The following ATG4D variants were observed in gnomAD, a reference collection of about 807,000 sequenced individuals.
ATG4D encodes the protein autophagy related 4D cysteine peptidase, also known as cysteine protease ATG4D.
In ATG4D, 51 loss-of-function variants were observed where a neutral mutation model predicts 55.2. That is an observed-to-expected ratio of 0.92 (90% CI 0.74 to 1.17). The LOEUF is 1.17. Among genes scored for constraint, ATG4D ranks in the 50% most tolerant of loss-of-function variants. The probability of loss-of-function intolerance (pLI) is 0.00; values close to 1 mark genes in which losing one functional copy is unlikely to be tolerated. For synonymous variants in ATG4D, 268 were observed against 266.2 expected (o/e 1.01, Z -0.07); for missense variants, 635 against 649.6 (o/e 0.98, Z 0.25).
At position 10,548,003 on chromosome 19, in the gene ATG4D, A is replaced by ATTTTTTTTTTTT. The variant is rs60924749; in HGVS notation, c.835+784_835+795dup. Among the ~76,000 whole-genome samples, 11 of 34,998 alleles carry ATTTTTTTTTTTT rather than the reference A, an allele frequency of 3.1e-4. 2 individuals carry two copies. Among genetic ancestry groups the ATTTTTTTTTTTT allele is most frequent in the Non-Finnish European group, 5.3e-4 (10 of 19,014 alleles). 23.0% of individuals were successfully genotyped at this position (34,998 alleles called of 152,430 possible). A position where few individuals can be genotyped will look rare whatever the true frequency, so the allele number is the denominator to read the frequency against. On this transcript the variant is annotated intron_variant, in intron 5 of 9. Transcript: ENST00000309469. Reference sequence around the variant, plus strand: ...TGAGCCACTGTGCCCAGCCCCTGTAATTTTTTTTTTTTTTTTTTTTTTTTT... The same window carrying ATTTTTTTTTTTT: ...TGAGCCACTGTGCCCAGCCCCTGTAATTTTTTTTTTTTTTTTTTTTTTTTTTTTTTTTTTTTT...
chr19:10,547,326 G>C (rs539950228), intron 5 of ATG4D, 73 bp downstream of exon 5: 2 of 1,544,898 alleles, frequency 1.3e-6, no homozygotes, highest in African/African-American at 2.7e-5. Flanking sequence ...TTCTTAGAGT[G>C]CATCTTCCTC....
intron 6 of ATG4D, among the ~76,000 whole-genome samples, chr19:10,551,571 G>C (rs893660138): frequency 3.3e-5 from 5 of 152,032 alleles, no homozygotes; most frequent in African/African-American, 1.2e-4. Flanking sequence ...GTGGTGGCGG[G>C]TGCCTGTAAT....
chr19:10,544,948 C>T lies in ATG4D; in HGVS notation c.320-9C>T, dbSNP rs374129870. The T allele has an allele frequency of 2.0e-5, 32 of 1,583,432 alleles. No individual in the cohort carries two copies. The African/African-American group carries it at 3.8e-4, about 19-fold the overall frequency. On this transcript the variant is annotated splice_polypyrimidine_tract_variant and intron_variant, in intron 2 of 9. Coordinates refer to ENST00000309469, the MANE Select transcript of ATG4D (RefSeq NM_032885.6). The stretch of plus-strand genomic sequence containing the variant: ...TCCCTGGTGGCAGCTGACAGACCCG[C>T]TCTTGTAGGTGACATACAGCGTTTC...
intron 6 of ATG4D, among the ~76,000 whole-genome samples, chr19:10,551,331 G>A (rs1034257416): frequency 2.0e-5 from 3 of 152,078 alleles, no homozygotes; most frequent in South Asian, 2.1e-4. Flanking sequence ...GCGTGGTGGC[G>A]GGCGCCTGTA....
chr19:10,545,012 C>A lies in ATG4D; in HGVS notation c.375C>A (p.Arg125=). The change falls in exon 3 of 10, where the codon CGC becomes CGA. Residue 125 remains arginine (R), a synonymous_variant. Coordinates refer to ENST00000309469, the MANE Select transcript of ATG4D (RefSeq NM_032885.6). ...TGTCCCGCCTGTGGCTCACATACCG[C>A]CGGGACTTCCCGCCCCTTCCTGGGG... ...DFVSRLWLTY[R]RDFPPLPGGC... is the part of the protein sequence containing the mutation. 1 of 1,609,878 alleles carries A rather than the reference C, an allele frequency of 6.2e-7. No homozygotes were observed. Among genetic ancestry groups the A allele is most frequent in the Non-Finnish European group, 8.5e-7 (1 of 1,177,910 alleles).
At chr19:10,549,083 C>CT in intron 6 of ATG4D, 49 bp downstream of exon 6, 2 of 1,607,678 alleles carry the variant, frequency 1.2e-6, no homozygotes, top group South Asian at 2.2e-5. Context: ...GCCCTCCAGA[C>CT]TTGTTTAGTT....
At chr19:10,547,833 A>AT (rs1250398015) in intron 5 of ATG4D, among the ~76,000 whole-genome samples, 16 of 146,194 alleles carry the variant, frequency 1.1e-4, no homozygotes, top group Admixed American at 4.2e-4. Context: ...AATAGCTGGG[A>AT]TTACAGGCAC....
chr19:10,546,937 C>A lies in ATG4D; in HGVS notation c.592C>A (p.Arg198Ser). 6.2e-7 allele frequency: 1 copy of A among 1,612,294 alleles called. No homozygotes were observed. Among genetic ancestry groups the A allele is most frequent in the Non-Finnish European group, 8.5e-7 (1 of 1,179,542 alleles). Residue 198 changes from arginine to serine, a missense_variant, in exon 4 of 10, where the codon CGC (arginine) becomes AGC (serine). Transcript: ENST00000309469. ...YHGPARWMPP[R>S]WAQGAPELEQ... ...TGGGCCTGCCCGCTGGATGCCCCCA[C>A]GCTGGGCCCAGGGTGCCCCTGAGCT... is the stretch of plus-strand genomic sequence containing the variant.
In ATG4D at chr19:10,552,257, G is replaced by A. The variant is rs1916286418; in HGVS notation, c.1175G>A (p.Ser392Asn). 4 of 1,613,560 alleles carry A rather than the reference G, an allele frequency of 2.5e-6. No homozygotes were observed. Among genetic ancestry groups the A allele is most frequent in the African/African-American group, 1.3e-5 (1 of 74,908 alleles). Residue 392 changes from serine (S) to asparagine (N), a missense_variant, in exon 9 of 10, where the codon AGC becomes AAC. By Grantham distance (46) the Ser-to-Asn change is conservative (BLOSUM62 1). Coordinates refer to ENST00000309469, the MANE Select transcript of ATG4D (RefSeq NM_032885.6). Reference sequence around the variant, plus strand: ...ATGGCCTTTGCCAAGATGGACCCAAGCTGTACCGTGGGCTTCTATGCTGGA... The same window carrying A: ...ATGGCCTTTGCCAAGATGGACCCAAACTGTACCGTGGGCTTCTATGCTGGA... ...RKMAFAKMDP[S>N]CTVGFYAGDR...
Position 10,545,105 on chromosome 19 carries a change from C to T in ATG4D, c.468C>T (p.Gly156=), listed in dbSNP as rs1251852546. 1.9e-6 allele frequency: 3 copies of T among 1,611,362 alleles called. No individual in the cohort carries two copies. Among genetic ancestry groups the T allele is most frequent in the Non-Finnish European group, 2.5e-6 (3 of 1,180,016 alleles). ...GCGGCCAGATGATGCTGGCACAGGG[C>T]CTTCTGCTGCATTTCCTGCCCAGAG... ...LRSGQMMLAQ[G]LLLHFLPRDW... is the part of the protein sequence containing the mutation. Residue 156 remains glycine, a synonymous_variant, in exon 3 of 10, where the codon GGC becomes GGT. Transcript: ENST00000309469.
rs376928245 is a variant in ATG4D, at chr19:10,546,923, G to T, written c.578G>T (p.Arg193Leu). 3.7e-6 allele frequency: 6 copies of T among 1,612,166 alleles called. No homozygotes were observed. The highest frequency in any genetic ancestry group is 5.1e-6 in the Non-Finnish European group (6 of 1,179,544). Residue 193 changes from arginine (R) to leucine (L), a missense_variant, in exon 4 of 10, where the codon CGC becomes CTC. By Grantham distance (102) the Arg-to-Leu change is moderately radical. Coordinates refer to ENST00000309469, the MANE Select transcript of ATG4D (RefSeq NM_032885.6). ...CCCAGCCGGTACCATGGGCCTGCCC[G>T]CTGGATGCCCCCACGCTGGGCCCAG... ...ASPSRYHGPARWMPPRWAQGA... is the reference protein window; with the variant it reads ...ASPSRYHGPALWMPPRWAQGA...
In ATG4D at chr19:10,552,264, C is replaced by G; in HGVS notation, c.1182C>G (p.Thr394=). ...TTGCCAAGATGGACCCAAGCTGTAC[C>G]GTGGGCTTCTATGCTGGAGACAGGA... ...MAFAKMDPSC[T]VGFYAGDRKE... Residue 394 remains threonine, a synonymous_variant, in exon 9 of 10, where the codon ACC becomes ACG. Coordinates refer to ENST00000309469, the MANE Select transcript of ATG4D (RefSeq NM_032885.6). 1.2e-6 allele frequency: 2 copies of G among 1,613,722 alleles called. No homozygotes were observed. Among genetic ancestry groups the G allele is most frequent in the Non-Finnish European group, 1.7e-6 (2 of 1,180,000 alleles).
At position 10,548,930 on chromosome 19, in the gene ATG4D, G is replaced by A; in HGVS notation, c.862G>A (p.Val288Met). The change falls in exon 6 of 10, where the codon GTG becomes ATG. Residue 288 changes from valine to methionine, a missense_variant. Physicochemically the swap from Val to Met is conservative, Grantham distance 21. Coordinates refer to ENST00000309469, the MANE Select transcript of ATG4D (RefSeq NM_032885.6). The part of the protein sequence containing the change: ...TVYKADVARL[V>M]ARPDPTAEWK... ...GTACAAGGCGGATGTGGCACGCCTG[G>A]TGGCCAGGCCAGACCCCACAGCCGA... 15 of 1,614,106 alleles carry A rather than the reference G, an allele frequency of 9.3e-6. No homozygotes were observed. Among genetic ancestry groups the A allele is most frequent in the Non-Finnish European group, 1.3e-5 (15 of 1,180,016 alleles).
chr19:10,548,673 TC>T (rs1916125894), intron 5 of ATG4D, among the ~76,000 whole-genome samples: 1 of 152,038 alleles, frequency 6.6e-6, no homozygotes, highest in Admixed American at 6.6e-5. Context: ...TTGGTCTACA[TC>T]CCAGGGCCTC....
chr19:10,552,413 A>G (rs1055905727), intron 9 of ATG4D, 89 bp downstream of exon 9: 5 of 1,465,082 alleles, frequency 3.4e-6, no homozygotes, highest in Non-Finnish European at 4.6e-6. Context: ...AGTCCAGCAG[A>G]GCTGGGGTGC....
In ATG4D at chr19:10,549,002, A is replaced by T; in HGVS notation, c.934A>T (p.Thr312Ser). The T allele has an allele frequency of 6.2e-7, 1 of 1,613,576 alleles. No homozygotes were observed. Among genetic ancestry groups the T allele is most frequent in the Non-Finnish European group, 8.5e-7 (1 of 1,179,902 alleles). ...GGTGCCCGTGCGACTGGGTGGCGAG[A>T]CTCTCAACCCCGTGTATGTGCCCTG... ...ILVPVRLGGE[T>S]LNPVYVPCVK... The change falls in exon 6 of 10, where the codon ACT becomes TCT. Residue 312 changes from threonine to serine, a missense_variant. Coordinates refer to ENST00000309469, the MANE Select transcript of ATG4D (RefSeq NM_032885.6).
At chr19:10,549,765 C>A (rs1170900669) in intron 6 of ATG4D, among the ~76,000 whole-genome samples, 1 of 152,022 alleles carries the variant, frequency 6.6e-6, no homozygotes, top group African/African-American at 2.4e-5. Context: ...TGTGTGCTCC[C>A]CACTGTCCCG....
intron 6 of ATG4D, among the ~76,000 whole-genome samples, 193 bp downstream of exon 6, chr19:10,549,227 G>C (rs779087440): frequency 6.6e-6 from 1 of 150,916 alleles, no homozygotes; most frequent in Non-Finnish European, 1.5e-5. Context: ...GGGTTCAAGC[G>C]ATTTTCTTGC....
At chr19:10,552,840 G>T in intron 9 of ATG4D, 45 bp from the exon 10 acceptor site, 1 of 1,567,762 alleles carries the variant, frequency 6.4e-7, no homozygotes, top group South Asian at 1.1e-5. Context: ...AAGGAATATG[G>T]CTTGGCACTG....
Sources: gnomAD v4.1 joint callset for allele counts (sites outside exome capture counted in the v4.1 genomes callset) on GRCh38, gnomAD v4.1.1 for gene constraint, MANE v1.5 for transcripts, NCBI Gene and HGNC (gene_info 2026-07-23, HGNC 2026-07-21) for gene names.